NPEPL1: variants seen among roughly 807,000 people sequenced by gnomAD.
NPEPL1 encodes the protein aminopeptidase like 1.
In NPEPL1, 45 loss-of-function variants were observed where a neutral mutation model predicts 52.4. That is an observed-to-expected ratio of 0.86 (90% confidence interval 0.68 to 1.10). The LOEUF (loss-of-function observed/expected upper bound fraction) is 1.10. Ranked by LOEUF, NPEPL1 falls within the 50% of genes least tolerant of loss-of-function variation. NPEPL1 has a pLI of 0.00. For missense variants in NPEPL1, 696 were observed against 710.9 expected (o/e 0.98, Z 0.24); for synonymous variants, 360 against 314.7 (o/e 1.14, Z -1.52).
rs2084604985 is a variant in NPEPL1 at position 58,701,002 on chromosome 20, C to G, written c.680-14C>G. 1 of 1,557,260 alleles carries G rather than the reference C, an allele frequency of 6.4e-7. No individual in the cohort carries two copies. Among genetic ancestry groups the G allele is most frequent in the African/African-American group, 1.4e-5 (1 of 72,948 alleles). On this transcript the variant is annotated splice_polypyrimidine_tract_variant and intron_variant, in intron 5 of 11. Transcript: ENST00000356091. ...AGCCCGAGCCTAACCCAGTTCTCCC[C>G]ACGCTTTCCATAGGAATCTATGGGG... is the stretch of plus-strand genomic sequence containing the variant.
chr20:58,711,102 TCCTCC>T (rs1568859771), intron 7 of NPEPL1: 1 of 27,006 alleles, frequency 3.7e-5, no homozygotes, highest in Admixed American at 3.2e-4. Context: ...CTCCTCCTCC[TCCTCC>T]CCCCCTCCTC....
At chr20:58,695,797 T>G (rs956072911) in intron 3 of NPEPL1, among the ~76,000 whole-genome samples, 6 of 152,226 alleles carry the variant, frequency 3.9e-5, no homozygotes, top group East Asian at 1.9e-4. Context: ...TTTGCCTTGC[T>G]TAATCCTCTT....
intron 1 of NPEPL1, 27 bp from the exon 2 acceptor site, chr20:58,693,708 CTG>C (rs2084401979): frequency 1.9e-6 from 3 of 1,577,264 alleles, no homozygotes; most frequent in Admixed American, 1.7e-5. Context: ...TTTGAAGCCT[CTG>C]TGTCTTGTCT....
At position 58,707,205 on chromosome 20, in the gene NPEPL1, G is replaced by T. The variant is rs889433720; in HGVS notation, c.900+5G>T. On this transcript the variant is annotated splice_donor_5th_base_variant and intron_variant, in intron 7 of 11. Transcript: ENST00000356091. ...TTCAGAGCCGCAATCAAGCAGGTGAGTGGGCCCTGCCCGCCCTCTGCAGGG... is the reference window on the plus strand; with the variant it reads ...TTCAGAGCCGCAATCAAGCAGGTGATTGGGCCCTGCCCGCCCTCTGCAGGG... The T allele has an allele frequency of 6.5e-7, 1 of 1,548,814 alleles. No homozygotes were observed. Among genetic ancestry groups the T allele is most frequent in the Non-Finnish European group, 8.7e-7 (1 of 1,146,298 alleles).
chr20:58,694,947 TTGC>T (rs2084431562), intron 3 of NPEPL1, among the ~76,000 whole-genome samples: 1 of 99,694 alleles, frequency 1.0e-5, no homozygotes, highest in African/African-American at 3.7e-5. Flanking sequence ...CACATGTGTG[TTGC>T]TGTGCGTGTA....
upstream of NPEPL1, chr20:58,691,637 A>G: frequency 1.5e-6 from 1 of 688,924 alleles, no homozygotes; most frequent in Non-Finnish European, 2.4e-6. Context: ...CAGTGGTGGA[A>G]AACCTCTCAC....
At chr20:58,714,920 T>C (rs1601142769) in intron 11 of NPEPL1, 1 of 612,762 alleles carries the variant, frequency 1.6e-6, no homozygotes, top group Non-Finnish European at 2.8e-6. Flanking sequence ...ATCCCCACCC[T>C]GAGGAGCTCC....
Position 58,699,218 on chromosome 20 carries a change from G to A in NPEPL1, c.619G>A (p.Glu207Lys), listed in dbSNP as rs1043992221. 1 of 1,602,538 alleles carries A rather than the reference G, an allele frequency of 6.2e-7. No individual in the cohort carries two copies. The highest frequency in any genetic ancestry group is 1.7e-5 in the Admixed American group (1 of 58,184). ...CCAGGAGATTAACAAAGTTGGAAAGGAGCTGGGGATCATCCCAACCATCAT... is the reference window on the plus strand; with the variant it reads ...CCAGGAGATTAACAAAGTTGGAAAGAAGCTGGGGATCATCCCAACCATCAT... ...FLEEINKVGKELGIIPTIIRD... is the reference protein window; with the variant it reads ...FLEEINKVGKKLGIIPTIIRD... The change falls in exon 5 of 12, where the codon GAG becomes AAG. Residue 207 changes from glutamate (E) to lysine (K), a missense_variant. Transcript: ENST00000356091.
chr20:58,691,111 C>G (rs1033185692), upstream of NPEPL1: 2 of 703,008 alleles, frequency 2.8e-6, no homozygotes, highest in African/African-American at 3.5e-5. Flanking sequence ...AGGGCATGGC[C>G]TTAGTCTCTC....
At chr20:58,704,822 A>G (rs2084705873) in intron 6 of NPEPL1, among the ~76,000 whole-genome samples, 2 of 152,244 alleles carry the variant, frequency 1.3e-5, no homozygotes, top group African/African-American at 2.4e-5. Context: ...AACAAGTGGT[A>G]GCTTCTTAAA....
chr20:58,704,134 C>T (rs548488654), intron 6 of NPEPL1: 29 of 985,392 alleles, frequency 2.9e-5, no homozygotes, highest in East Asian at 1.1e-4. Flanking sequence ...GACCTGAAGG[C>T]GCTCACAATC....
chr20:58,713,521 T>A lies in NPEPL1; in HGVS notation c.1103T>A (p.Met368Lys). 4 of 1,609,370 alleles carry A rather than the reference T, an allele frequency of 2.5e-6. No homozygotes were observed. Among genetic ancestry groups the A allele is most frequent in the Non-Finnish European group, 3.4e-6 (4 of 1,177,700 alleles). ...CTGGGGGCCGACATCATCCTGGACA[T>A]GGCCACCCTGACCGGGGCTCAGGTG... ...KDLGADIILD[M>K]ATLTGAQGIA... Residue 368 changes from methionine (M) to lysine (K), a missense_variant, in exon 9 of 12, where the codon ATG becomes AAG. Met to Lys is a moderately conservative substitution (Grantham distance 95, BLOSUM62 -1). Coordinates refer to ENST00000356091, the MANE Select transcript of NPEPL1 (RefSeq NM_024663.4). This position sits in a 1 kb window ranked among gnomAD's most constrained non-coding sequence, Gnocchi z 4.6.
Position 58,713,285 on chromosome 20 carries a change from A to G in NPEPL1, c.1002-135A>G, listed in dbSNP as rs968789799. ...GGACTGGGGGCATCCCGGCCTTCCCATTCAGGGAACGTGTTGGGGTTCGGG... is the reference window on the plus strand; with the variant it reads ...GGACTGGGGGCATCCCGGCCTTCCCGTTCAGGGAACGTGTTGGGGTTCGGG... On this transcript the variant is annotated intron_variant, in intron 8 of 11. Coordinates refer to ENST00000356091, the MANE Select transcript of NPEPL1 (RefSeq NM_024663.4). This position sits in a 1 kb window ranked among gnomAD's most constrained non-coding sequence, Gnocchi z 4.6. The G allele has an allele frequency of 8.3e-7, 1 of 1,208,088 alleles. No homozygotes were observed. The highest frequency in any genetic ancestry group is 1.5e-5 in the African/African-American group (1 of 65,336). The allele number at this position is 1,208,088 out of a possible 1,614,324, so 74.8% of individuals were successfully genotyped here.
At chr20:58,712,420 CT>C in intron 7 of NPEPL1, 58 bp from the exon 8 acceptor site, 1 of 1,164,804 alleles carries the variant, frequency 8.6e-7, no homozygotes, top group East Asian at 2.4e-5. Context: ...CCAGCTCGTC[CT>C]CCCCCCTCCC....
Position 58,707,110 on chromosome 20 carries a change from G to A in NPEPL1, c.823-13G>A. ...AGCTCACCTTTGTCCTGGTCCCTTT[G>A]TACCACCCGCAGACTACCATGCCGG... On this transcript the variant is annotated splice_polypyrimidine_tract_variant and intron_variant, in intron 6 of 11. Coordinates refer to ENST00000356091, the MANE Select transcript of NPEPL1 (RefSeq NM_024663.4). 6.4e-7 allele frequency: 1 copy of A among 1,550,728 alleles called. No individual in the cohort carries two copies. Among genetic ancestry groups the A allele is most frequent in the East Asian group, 2.4e-5 (1 of 40,940 alleles).
intron 7 of NPEPL1, among the ~76,000 whole-genome samples, chr20:58,707,682 C>G (rs2084763783): frequency 6.8e-6 from 1 of 146,636 alleles, no homozygotes; most frequent in Admixed American, 6.8e-5. Flanking sequence ...AATGCTTAGC[C>G]CTTGCTCAGT....
Position 58,713,790 on chromosome 20 carries a change from C to CT in NPEPL1, c.1126-120dup. On this transcript the variant is annotated intron_variant, in intron 9 of 11. Transcript: ENST00000356091. This position sits in a 1 kb window ranked among gnomAD's most constrained non-coding sequence, Gnocchi z 4.6. Reference sequence around the variant, plus strand: ...ATGGTCCTTTCTGCCTGTGTTTTTTCTTTTTTTCTCAACCGTCTCTTTTCT... The same window carrying CT: ...ATGGTCCTTTCTGCCTGTGTTTTTTCTTTTTTTTCTCAACCGTCTCTTTTCT... The CT allele has an allele frequency of 8.3e-7, 1 of 1,200,306 alleles. No individual in the cohort carries two copies. Among genetic ancestry groups the CT allele is most frequent in the Non-Finnish European group, 1.1e-6 (1 of 904,766 alleles). 74.4% of individuals were successfully genotyped at this position (1,200,306 alleles called of 1,614,324 possible).
In NPEPL1 at chr20:58,712,505, G is replaced by A. The variant is rs770016177; in HGVS notation, c.927G>A (p.Val309=). The A allele has an allele frequency of 1.3e-5, 21 of 1,613,348 alleles. No individual in the cohort carries two copies. In the African/African-American group the frequency reaches 2.8e-4, roughly 22 times the overall value. Residue 309 remains valine, a synonymous_variant, in exon 8 of 12, where the codon GTG becomes GTA. Coordinates refer to ENST00000356091, the MANE Select transcript of NPEPL1 (RefSeq NM_024663.4). ...GTTTCAAAGACAACCTCCACGCTGT[G>A]TTCTGCTTGGCTGAGAACTCGGTGG... The part of the protein sequence containing the change: ...KQGFKDNLHA[V]FCLAENSVGP...
rs558871215 is a variant in NPEPL1 at position 58,693,472 on chromosome 20, G to A, written c.151-265G>A. On this transcript the variant is annotated intron_variant, in intron 1 of 11. Coordinates refer to ENST00000356091, the MANE Select transcript of NPEPL1 (RefSeq NM_024663.4). ...GGTGGAAGCCGCCTAAGCCCTATCC[G>A]AGTGTTGGAAGCAAAGCAGCCCCCA... 7 of 406,162 alleles carry A rather than the reference G, an allele frequency of 1.7e-5. No individual in the cohort carries two copies. The East Asian group carries it at 2.7e-4, about 16-fold the overall frequency. The allele number at this position is 406,162 out of a possible 1,614,324, so 25.2% of individuals were successfully genotyped here.
Sources: gnomAD v4.1 joint callset for allele counts (sites outside exome capture counted in the v4.1 genomes callset) on GRCh38, gnomAD v4.1.1 for gene constraint, Gnocchi (gnomAD v3.1) non-coding constraint, MANE v1.5 for transcripts, NCBI Gene and HGNC (gene_info 2026-07-23, HGNC 2026-07-21) for gene names.